The following LNX1 variants were observed in gnomAD, a reference collection of about 807,000 sequenced individuals.
LNX1 encodes ligand of numb-protein X 1.
Under a neutral mutation model 68.4 loss-of-function variants are expected in LNX1, and 54 were observed. The ratio of observed to expected loss-of-function variants is 0.79; its 90% CI spans 0.63 to 0.99. LNX1 has a LOEUF of 0.99. LNX1 is among the 50% of genes least tolerant of loss of function. The pLI, the probability that LNX1 is intolerant of heterozygous loss-of-function variation, is 0.00. For missense variants in LNX1, 906 were observed against 926.4 expected, an observed-to-expected ratio of 0.98 and a Z score of 0.29; for synonymous variants, 336 against 350.0, an observed-to-expected ratio of 0.96 and a Z score of 0.45.
chr4:53,464,321 C>A (rs1722479806), intron 9 of LNX1, among the ~76,000 whole-genome samples: 1 of 151,996 alleles, frequency 6.6e-6, no homozygotes, highest in South Asian at 2.1e-4. Flanking sequence ...GATCAGGTAC[C>A]TCTCAGTCTG....
upstream of LNX1, among the ~76,000 whole-genome samples, chr4:53,596,053 C>A (rs17083167): frequency 6.6e-6 from 1 of 151,990 alleles, no homozygotes; most frequent in Non-Finnish European, 1.5e-5. Flanking sequence ...TCATATTGGC[C>A]GTAATTACTT....
At chr4:53,570,664 T>TA (rs367852101) in intron 2 of LNX1, among the ~76,000 whole-genome samples, 54 of 143,734 alleles carry the variant, frequency 3.8e-4, no homozygotes, top group African/African-American at 1.1e-3. Context: ...TAAAGTATAA[T>TA]AATAAATAAA....
At chr4:53,462,288 A>T (rs1479265348) in intron 9 of LNX1, among the ~76,000 whole-genome samples, 1 of 152,070 alleles carries the variant, frequency 6.6e-6, no homozygotes, top group Non-Finnish European at 1.5e-5. Flanking sequence ...TAAAATAGCA[A>T]ATGAGATTGA....
rs1338365609 is a variant in LNX1 at position 53,480,291 on chromosome 4, A to T, written c.1485+1429T>A. Reference sequence around the variant, plus strand: ...CTAAGTCAGTTTGCACGTTTCCAGGAATTAAGACATATGACAGAGGGTTGC... The same window carrying T: ...CTAAGTCAGTTTGCACGTTTCCAGGTATTAAGACATATGACAGAGGGTTGC... On this transcript the variant is annotated intron_variant, in intron 7 of 10. Transcript: ENST00000263925. Among the ~76,000 whole-genome samples, 5 of 152,188 alleles carry T rather than the reference A, an allele frequency of 3.3e-5. No homozygotes were observed. The East Asian group carries it at 9.6e-4, about 29-fold the overall frequency.
chr4:53,472,686 A>AACAAC (rs200005530), intron 9 of LNX1, among the ~76,000 whole-genome samples: 4 of 68,608 alleles, frequency 5.8e-5, no homozygotes, highest in South Asian at 5.4e-4. Flanking sequence ...CAACAACAAC[A>AACAAC]AAAAAAAAAA....
intron 2 of LNX1, among the ~76,000 whole-genome samples, chr4:53,602,114 T>C (rs1032792105): frequency 6.6e-6 from 1 of 151,990 alleles, no homozygotes; most frequent in African/African-American, 2.4e-5. Context: ...GAGTGAGAAA[T>C]AGAAACTAGG....
intron 2 of LNX1, among the ~76,000 whole-genome samples, chr4:53,605,562 G>A (rs929727584): frequency 1.3e-5 from 2 of 151,928 alleles, no homozygotes; most frequent in African/African-American, 2.4e-5. Flanking sequence ...CTACAACTTT[G>A]TATCCTTGGC....
intron 5 of LNX1, among the ~76,000 whole-genome samples, chr4:53,497,396 G>A (rs1725142782): frequency 6.6e-6 from 1 of 152,204 alleles, no homozygotes; most frequent in Non-Finnish European, 1.5e-5. Flanking sequence ...AGAAGGCTTG[G>A]AATGGGCTTT....
At position 53,591,374 on chromosome 4, in the gene LNX1, G is replaced by T; in HGVS notation, c.-87+14C>A. 1 of 985,342 alleles carries T rather than the reference G, an allele frequency of 1.0e-6. No homozygotes were observed. Among genetic ancestry groups the T allele is most frequent in the Non-Finnish European group, 1.2e-6 (1 of 829,892 alleles). 61.0% of individuals were successfully genotyped at this position (985,342 alleles called of 1,614,324 possible). On this transcript the variant is annotated intron_variant, in intron 1 of 10. Transcript: ENST00000263925. ...CTAAATGCCAAGAGAGAAAAATGGA[G>T]GGTTTCAACTCACCTCTTCAAGCGA...
chr4:53,528,155 C>T (rs892572260), intron 2 of LNX1, among the ~76,000 whole-genome samples: 4 of 152,208 alleles, frequency 2.6e-5, no homozygotes, highest in Non-Finnish European at 5.9e-5. Flanking sequence ...TTGAAAACTG[C>T]TCTTTTGCCA....
At chr4:53,468,710 CT>C (rs1722895583) in intron 9 of LNX1, among the ~76,000 whole-genome samples, 1 of 152,144 alleles carries the variant, frequency 6.6e-6, no homozygotes, top group African/African-American at 2.4e-5. Flanking sequence ...ATAAAACAGA[CT>C]TTAAACCAAC....
chr4:53,506,606 G>A (rs1725888624), intron 4 of LNX1, among the ~76,000 whole-genome samples: 3 of 152,048 alleles, frequency 2.0e-5, no homozygotes, highest in Non-Finnish European at 4.4e-5. Flanking sequence ...TGTAATCCCA[G>A]CACTTTGAGA....
At chr4:53,631,994 T>C (rs1734294397) in intron 1 of LNX1, among the ~76,000 whole-genome samples, 1 of 152,166 alleles carries the variant, frequency 6.6e-6, no homozygotes. Context: ...GGGATTAATG[T>C]ATGAATGTGG....
At chr4:53,491,971 G>T (rs905570003) in intron 6 of LNX1, among the ~76,000 whole-genome samples, 2 of 151,980 alleles carry the variant, frequency 1.3e-5, no homozygotes, top group African/African-American at 4.8e-5. Flanking sequence ...ATTTTTAGTA[G>T]AGATAGGATT....
At chr4:53,517,048 G>A (rs1579453628) in intron 2 of LNX1, among the ~76,000 whole-genome samples, 2 of 152,150 alleles carry the variant, frequency 1.3e-5, no homozygotes, top group African/African-American at 2.4e-5. Flanking sequence ...GGGAGTAAAC[G>A]TCCTGCTTTT....
intron 2 of LNX1, among the ~76,000 whole-genome samples, chr4:53,521,770 A>C (rs1255868181): frequency 2.0e-5 from 3 of 151,986 alleles, no homozygotes; most frequent in African/African-American, 7.3e-5. Context: ...GATAACTGAA[A>C]GCTCTTCTTC....
At chr4:53,611,811 A>G (rs929481739) in intron 2 of LNX1, among the ~76,000 whole-genome samples, 1 of 152,216 alleles carries the variant, frequency 6.6e-6, no homozygotes, top group African/African-American at 2.4e-5. Flanking sequence ...CTAGTGGATT[A>G]TATGTACTGT....
chr4:53,462,836 T>C (rs1722273604), intron 9 of LNX1, among the ~76,000 whole-genome samples: 1 of 152,160 alleles, frequency 6.6e-6, no homozygotes, highest in Non-Finnish European at 1.5e-5. Context: ...AAAATATTTA[T>C]CTGCTGCATT....
chr4:53,483,853 G>T (rs1259335218), intron 6 of LNX1, among the ~76,000 whole-genome samples: 1 of 152,210 alleles, frequency 6.6e-6, no homozygotes, highest in African/African-American at 2.4e-5. Context: ...GACAATGGTG[G>T]TGGAGATATT....
Sources: gnomAD v4.1 joint callset for allele counts (sites outside exome capture counted in the v4.1 genomes callset) on GRCh38, gnomAD v4.1.1 for gene constraint, MANE v1.5 for transcripts, NCBI Gene and HGNC (gene_info 2026-07-23, HGNC 2026-07-21) for gene names.